Variants in AVEN observed in about 807,000 individuals in gnomAD.
AVEN encodes cell death regulator Aven.
A neutral mutation model predicts 38.1 loss-of-function variants in AVEN; 41 were observed. That is an observed-to-expected ratio of 1.08 (90% CI 0.84 to 1.40). AVEN has a LOEUF of 1.40. AVEN is among the 40% of genes most tolerant of loss of function. The pLI is 0.00. For missense variants in AVEN, 605 were observed against 438.8 expected (o/e 1.38, Z -3.38); for synonymous variants, 206 against 171.8 (o/e 1.20, Z -1.56).
chr15:34,033,090 A>G (rs1403224305), intron 1 of AVEN, among the ~76,000 whole-genome samples: 1 of 152,220 alleles, frequency 6.6e-6, no homozygotes, highest in Non-Finnish European at 1.5e-5. Context: ...AAAATCAAAA[A>G]TTAGGAAAAG....
intron 1 of AVEN, among the ~76,000 whole-genome samples, chr15:34,032,018 C>T (rs1309150062): frequency 9.2e-6 from 1 of 108,704 alleles, no homozygotes; most frequent in Non-Finnish European, 2.2e-5. Context: ...CATACGCGCG[C>T]ACACGCACAC....
chr15:34,045,447 C>T (rs1221360748), intron 5 of AVEN, among the ~76,000 whole-genome samples: 1 of 152,202 alleles, frequency 6.6e-6, no homozygotes, highest in African/African-American at 2.4e-5. Flanking sequence ...CTTATTCATT[C>T]ACACGCTCTT....
At chr15:33,943,154 G>A (rs1208401848) in intron 2 of AVEN, among the ~76,000 whole-genome samples, 2 of 152,166 alleles carry the variant, frequency 1.3e-5, no homozygotes, top group Non-Finnish European at 2.9e-5. Flanking sequence ...AGAGGTATTT[G>A]GCTACTCATG....
rs1337483765 is a variant in AVEN, at chr15:33,933,518, CACACACAGAGAGAGAG to C, written c.446-57539_446-57524del. On this transcript the variant is annotated intron_variant, in intron 2 of 5. Coordinates refer to ENST00000306730, the MANE Select transcript of AVEN (RefSeq NM_020371.3). ...ACACACACACACACACACACACACACACACACAGAGAGAGAGAGAGAGAGAGAGAGAGAGAGAGAGA... is the reference window on the plus strand; with the variant it reads ...ACACACACACACACACACACACACACAGAGAGAGAGAGAGAGAGAGAGAGA... Among the ~76,000 whole-genome samples the C allele has an allele frequency of 1.4e-3, 156 of 114,714 alleles. 1 individual carries two copies. The highest frequency in any genetic ancestry group is 4.1e-3 in the African/African-American group (113 of 27,494). The allele number at this position is 114,714 out of a possible 152,430, so 75.3% of individuals were successfully genotyped here.
At chr15:33,866,872 C>T in intron 5 of AVEN, 144 bp from the exon 6 acceptor site, 1 of 625,572 alleles carries the variant, frequency 1.6e-6, no homozygotes, top group Non-Finnish European at 2.7e-6. Flanking sequence ...AATATCTAAA[C>T]AAATAAAGCT....
chr15:33,862,700 T>A (rs1888796701), downstream of AVEN, among the ~76,000 whole-genome samples: 1 of 151,120 alleles, frequency 6.6e-6, no homozygotes, highest in African/African-American at 2.4e-5. Flanking sequence ...AGCCTCCACC[T>A]CCTGGATTCA....
chr15:33,962,425 G>A (rs1895224930), intron 2 of AVEN, among the ~76,000 whole-genome samples: 1 of 151,978 alleles, frequency 6.6e-6, no homozygotes, highest in Non-Finnish European at 1.5e-5. Flanking sequence ...GAGTTCTCAG[G>A]GTCATTCTCA....
At chr15:33,885,136 A>C (rs1891651679) in intron 2 of AVEN, among the ~76,000 whole-genome samples, 1 of 152,192 alleles carries the variant, frequency 6.6e-6, no homozygotes, top group Non-Finnish European at 1.5e-5. Context: ...CTGAAAAGTC[A>C]CAAATGAACT....
chr15:33,862,754 G>GCACCTGC (rs1469955491), downstream of AVEN, among the ~76,000 whole-genome samples: 1 of 152,068 alleles, frequency 6.6e-6, no homozygotes, highest in Non-Finnish European at 1.5e-5. Flanking sequence ...GGGACTACAG[G>GCACCTGC]CACCTGCCAC....
chr15:33,869,688 G>C (rs768175700), intron 4 of AVEN, among the ~76,000 whole-genome samples: 3 of 152,118 alleles, frequency 2.0e-5, no homozygotes, highest in Non-Finnish European at 2.9e-5. Flanking sequence ...TTTTAGACTA[G>C]TAAATGCTAT....
At chr15:33,974,490 T>C (rs1895785893) in intron 2 of AVEN, among the ~76,000 whole-genome samples, 1 of 152,236 alleles carries the variant, frequency 6.6e-6, no homozygotes, top group African/African-American at 2.4e-5. Context: ...GACTATGCTG[T>C]GCCTCAACCC....
chr15:34,024,679 C>T (rs1189916944), intron 1 of AVEN, among the ~76,000 whole-genome samples: 1 of 147,004 alleles, frequency 6.8e-6, no homozygotes, highest in Non-Finnish European at 1.5e-5. Context: ...GGTGAAACCC[C>T]GTCTCTACTA....
Position 34,063,877 on chromosome 15 carries a change from C to T in AVEN, n.1127-445G>A. ...TATAAGTTCCGATTGGTGGTAAAAG[C>T]TGACGGGAACCAGGAGACCAACAAT... On this transcript the variant is annotated intron_variant and non_coding_transcript_variant, in intron 4 of 11. Transcript: ENST00000675287. This position sits in a 1 kb window ranked among gnomAD's most constrained non-coding sequence, Gnocchi z 4.1. 6.2e-7 allele frequency: 1 copy of T among 1,614,170 alleles called. No homozygotes were observed. Among genetic ancestry groups the T allele is most frequent in the Non-Finnish European group, 8.5e-7 (1 of 1,180,034 alleles).
At chr15:34,029,750 G>A (rs2140754462) in intron 1 of AVEN, among the ~76,000 whole-genome samples, 1 of 152,194 alleles carries the variant, frequency 6.6e-6, no homozygotes, top group Middle Eastern at 3.4e-3. Context: ...TAACTTCCTT[G>A]GAAGGAATTG....
intron 2 of AVEN, among the ~76,000 whole-genome samples, chr15:33,971,357 C>T (rs1408862687): frequency 2.6e-5 from 4 of 151,882 alleles, no homozygotes; most frequent in African/African-American, 4.8e-5. Context: ...AGAAATGGAG[C>T]AAATATTTTG....
chr15:33,931,301 C>A (rs1893833023), intron 2 of AVEN, among the ~76,000 whole-genome samples: 1 of 149,876 alleles, frequency 6.7e-6, no homozygotes, highest in South Asian at 2.1e-4. Flanking sequence ...AATTAAGGGA[C>A]CTTTTAAATT....
In AVEN at chr15:34,039,182, T is replaced by C; in HGVS notation, c.-136A>G. The C allele has an allele frequency of 1.3e-6, 1 of 757,568 alleles. No individual in the cohort carries two copies. The highest frequency in any genetic ancestry group is 1.6e-6 in the Non-Finnish European group (1 of 613,380). The allele number at this position is 757,568 out of a possible 1,614,324, so 46.9% of individuals were successfully genotyped here. On this transcript the variant is annotated 5_prime_UTR_variant, in exon 1 of 6. Transcript: ENST00000306730. ...AGCAGCGAGGCGCGGGGTGCGGGGC[T>C]AGGGATCGAGGCCGGCCGCAGCGGA...
chr15:33,949,009 A>T (rs888198647), intron 2 of AVEN, among the ~76,000 whole-genome samples: 1 of 150,752 alleles, frequency 6.6e-6, no homozygotes, highest in Non-Finnish European at 1.5e-5. Context: ...AATTCAATTC[A>T]ACTCATTTCA....
intron 2 of AVEN, among the ~76,000 whole-genome samples, chr15:33,944,766 G>GCTCCTGCA (rs1262199273): frequency 6.6e-6 from 1 of 151,390 alleles, no homozygotes; most frequent in Non-Finnish European, 1.5e-5. Flanking sequence ...CCGAGATCGC[G>GCTCCTGCA]CTCCTGCACT....
Sources: allele counts gnomAD v4.1 joint callset (sites outside exome capture counted in the v4.1 genomes callset), GRCh38; gene constraint gnomAD v4.1.1; non-coding constraint Gnocchi (gnomAD v3.1); transcripts MANE v1.5; gene names NCBI Gene and HGNC (gene_info 2026-07-23, HGNC 2026-07-21).